The following MMP16 variants were observed in gnomAD, a reference collection of about 807,000 sequenced individuals.
MMP16 encodes matrix metallopeptidase 16.
MMP16 carries 12 observed loss-of-function variants against 67.8 expected under a neutral mutation model. That is an observed-to-expected ratio of 0.18 (90% CI 0.11 to 0.29). The LOEUF is 0.29. MMP16 is among the 10% of genes least tolerant of loss of function. The pLI, the probability that MMP16 is intolerant of heterozygous loss-of-function variation, is 1.00. For missense variants in MMP16, 475 were observed against 765.7 expected, an observed-to-expected ratio of 0.62 and a Z score of 4.48; for synonymous variants, 249 against 255.9, an observed-to-expected ratio of 0.97 and a Z score of 0.26.
chr8:88,091,267 C>A (rs1404617144), intron 6 of MMP16, among the ~76,000 whole-genome samples: 1 of 151,714 alleles, frequency 6.6e-6, no homozygotes, highest in Non-Finnish European at 1.5e-5. Flanking sequence ...ACCAATAATA[C>A]CTATTTTCCC....
At chr8:88,293,058 T>C (rs1810951752) in intron 1 of MMP16, among the ~76,000 whole-genome samples, 1 of 152,266 alleles carries the variant, frequency 6.6e-6, no homozygotes, top group Admixed American at 6.5e-5. Flanking sequence ...TGAACACAGA[T>C]GTGAAAACTG....
intron 1 of MMP16, among the ~76,000 whole-genome samples, chr8:88,272,887 C>T (rs1030736433): frequency 2.0e-5 from 3 of 152,000 alleles, no homozygotes; most frequent in Non-Finnish European, 2.9e-5. Flanking sequence ...CATTTCTTCC[C>T]CAGAGACTGT....
intron 1 of MMP16, among the ~76,000 whole-genome samples, chr8:88,210,376 T>C (rs1014580416): frequency 6.6e-6 from 1 of 152,198 alleles, no homozygotes; most frequent in African/African-American, 2.4e-5. Flanking sequence ...CACAAACAGC[T>C]CCTGGCACAT....
chr8:88,282,080 T>G (rs1421814783), intron 1 of MMP16, among the ~76,000 whole-genome samples: 4 of 38,110 alleles, frequency 1.0e-4, no homozygotes, highest in Non-Finnish European at 2.3e-4. Context: ...TTTTTTCTTT[T>G]TTGGGGGGGG....
At chr8:88,183,809 G>A (rs947421537) in intron 3 of MMP16, among the ~76,000 whole-genome samples, 3 of 140,388 alleles carry the variant, frequency 2.1e-5, no homozygotes, top group Admixed American at 1.6e-4. Context: ...TCCACCTCCC[G>A]GGTTCAAGTT....
At chr8:88,183,712 C>CTTTTT (rs71277981) in intron 3 of MMP16, among the ~76,000 whole-genome samples, 1,070 of 92,024 alleles carry the variant, frequency 0.012, 15 homozygotes, top group Non-Finnish European at 0.016. Flanking sequence ...AAATGTCCTT[C>CTTTTT]TTTTTTTTTT....
chr8:88,105,535 T>A (rs1005133038), intron 6 of MMP16, among the ~76,000 whole-genome samples: 1 of 151,440 alleles, frequency 6.6e-6, no homozygotes, highest in East Asian at 1.9e-4. Flanking sequence ...AGAAGCATAG[T>A]GATGGAAACA....
At chr8:88,064,584 C>T (rs1276947160) in intron 7 of MMP16, among the ~76,000 whole-genome samples, 6 of 152,138 alleles carry the variant, frequency 3.9e-5, no homozygotes, top group African/African-American at 9.6e-5. Flanking sequence ...AGATCAAATA[C>T]ACTCACACTG....
chr8:88,221,294 TAA>T (rs1809678682), intron 1 of MMP16, among the ~76,000 whole-genome samples: 1 of 152,242 alleles, frequency 6.6e-6, no homozygotes, highest in South Asian at 2.1e-4. Flanking sequence ...AAACTCCTTA[TAA>T]ATGGTGAAAT....
At chr8:88,308,966 G>A (rs939567836) in intron 1 of MMP16, among the ~76,000 whole-genome samples, 3 of 151,602 alleles carry the variant, frequency 2.0e-5, no homozygotes, top group African/African-American at 7.3e-5. Flanking sequence ...ATACTGCTAT[G>A]AATTTACACT....
At chr8:88,263,788 A>G (rs1431168969) in intron 1 of MMP16, among the ~76,000 whole-genome samples, 1 of 147,808 alleles carries the variant, frequency 6.8e-6, no homozygotes, top group Admixed American at 6.7e-5. Flanking sequence ...AAATAAGGTC[A>G]CATTCTGGGG....
At chr8:88,297,598 G>T (rs1191176038) in intron 1 of MMP16, among the ~76,000 whole-genome samples, 4 of 152,184 alleles carry the variant, frequency 2.6e-5, no homozygotes, top group Non-Finnish European at 5.9e-5. Flanking sequence ...ATACAGTCAG[G>T]ATGGGGGCTG....
chr8:88,091,195 C>A (rs1443463447), intron 6 of MMP16, among the ~76,000 whole-genome samples: 3 of 151,804 alleles, frequency 2.0e-5, no homozygotes, highest in African/African-American at 7.2e-5. Flanking sequence ...TACAGATCAT[C>A]TCCTGTTTTG....
At chr8:88,241,749 G>A (rs1236458391) in intron 1 of MMP16, among the ~76,000 whole-genome samples, 4 of 152,002 alleles carry the variant, frequency 2.6e-5, no homozygotes, top group South Asian at 4.2e-4. Context: ...ATATATTTAT[G>A]AAGTACAGTG....
intron 7 of MMP16, chr8:88,069,440 T>C (rs534245763): frequency 1.9e-6 from 1 of 531,948 alleles, no homozygotes; most frequent in East Asian, 5.5e-5. Flanking sequence ...GCACAGGCAC[T>C]GACTGCCTTT....
chr8:88,147,891 T>C (rs1013852990), intron 4 of MMP16, among the ~76,000 whole-genome samples: 6 of 152,126 alleles, frequency 3.9e-5, no homozygotes, highest in Non-Finnish European at 2.9e-5. Flanking sequence ...TATCAACAAG[T>C]ATACTTTGCA....
At chr8:88,292,844 CTT>C (rs1295675120) in intron 1 of MMP16, among the ~76,000 whole-genome samples, 4 of 152,156 alleles carry the variant, frequency 2.6e-5, no homozygotes, top group Admixed American at 6.5e-5. Flanking sequence ...CTATAAGCCT[CTT>C]TTAAGTATTA....
chr8:88,245,548 T>G (rs1810101022), intron 1 of MMP16, among the ~76,000 whole-genome samples: 1 of 152,174 alleles, frequency 6.6e-6, no homozygotes, highest in Admixed American at 6.5e-5. Context: ...CAGGTTTTCC[T>G]GGACAAGGTG....
At chr8:88,322,802 G>A (rs111354405) in intron 1 of MMP16, among the ~76,000 whole-genome samples, 6 of 152,232 alleles carry the variant, frequency 3.9e-5, no homozygotes, top group South Asian at 2.1e-4. Flanking sequence ...CTATGATCAC[G>A]TCATGTAATG....
Sources: gnomAD v4.1 joint callset for allele counts (sites outside exome capture counted in the v4.1 genomes callset) on GRCh38, gnomAD v4.1.1 for gene constraint, MANE v1.5 for transcripts, NCBI Gene and HGNC (gene_info 2026-07-23, HGNC 2026-07-21) for gene names.